Variants in TPO observed in about 807,000 individuals in gnomAD.
TPO encodes thyroid microsomal antigen.
Under a neutral mutation model 96.9 loss-of-function variants are expected in TPO, and 78 were observed. The observed-to-expected ratio is 0.81, with a 90% CI of 0.67 to 0.97. TPO has a LOEUF of 0.97. TPO is among the 50% of genes least tolerant of loss of function. The pLI is 0.00. For synonymous variants in TPO, 547 were observed against 538.0 expected, an observed-to-expected ratio of 1.02 and a Z score of -0.23; for missense variants, 1,252 against 1,274.8, an observed-to-expected ratio of 0.98 and a Z score of 0.27.
intron 12 of TPO, among the ~76,000 whole-genome samples, 177 bp from the exon 13 acceptor site, chr2:1,496,417 GC>G (rs1359792494): frequency 6.6e-6 from 1 of 152,200 alleles, no homozygotes; most frequent in East Asian, 1.9e-4. Context: ...AGCCCGCGGG[GC>G]CCGATCTGGG....
intron 15 of TPO, among the ~76,000 whole-genome samples, chr2:1,525,847 C>T (rs896056268): frequency 2.6e-4 from 36 of 138,096 alleles, no homozygotes; most frequent in African/African-American, 9.4e-4. Context: ...CTCTGTGCAA[C>T]CTCCCAAAAT....
chr2:1,463,003 C>A (rs1432287552), intron 7 of TPO, among the ~76,000 whole-genome samples: 1 of 152,104 alleles, frequency 6.6e-6, no homozygotes, highest in Non-Finnish European at 1.5e-5. Flanking sequence ...TCAAAATGTT[C>A]ATTATTGAGC....
At chr2:1,461,337 G>A (rs949777416) in intron 7 of TPO, among the ~76,000 whole-genome samples, 3 of 152,192 alleles carry the variant, frequency 2.0e-5, no homozygotes, top group Admixed American at 6.5e-5. Context: ...GGGTTCAAAC[G>A]TTCTTTGGCC....
At chr2:1,425,472 A>G (rs1231242783) in intron 3 of TPO, among the ~76,000 whole-genome samples, 1 of 151,818 alleles carries the variant, frequency 6.6e-6, no homozygotes, top group Non-Finnish European at 1.5e-5. Context: ...GATGCGTTAG[A>G]TCATTTCATA....
intron 2 of TPO, among the ~76,000 whole-genome samples, chr2:1,419,522 C>T (rs1663291835): frequency 6.6e-6 from 1 of 152,180 alleles, no homozygotes; most frequent in South Asian, 2.1e-4. Context: ...CAAAAGTGAC[C>T]ATTTCCCTCT....
At chr2:1,436,645 C>G (rs922784029) in intron 5 of TPO, among the ~76,000 whole-genome samples, 1 of 152,216 alleles carries the variant, frequency 6.6e-6, no homozygotes, top group Non-Finnish European at 1.5e-5. Context: ...CCTAACCCCA[C>G]AAATTCCACC....
At chr2:1,503,576 G>A (rs1010121996) in intron 13 of TPO, among the ~76,000 whole-genome samples, 2 of 152,094 alleles carry the variant, frequency 1.3e-5, no homozygotes, top group Non-Finnish European at 2.9e-5. Context: ...CATCTGCCTG[G>A]GCGAAGCAGA....
In TPO at chr2:1,436,403, C is replaced by A. The variant is rs1665575662; in HGVS notation, c.482+19C>A. Reference sequence around the variant, plus strand: ...ACAACAGGTATTGTTTGTGGATTTTCTTAATCTTCTCGTGAAAGTTGGATC... The same window carrying A: ...ACAACAGGTATTGTTTGTGGATTTTATTAATCTTCTCGTGAAAGTTGGATC... On this transcript the variant is annotated intron_variant, in intron 5 of 16. Coordinates refer to ENST00000329066, the MANE Select transcript of TPO (RefSeq NM_001206744.2). The A allele has an allele frequency of 6.2e-7, 1 of 1,614,178 alleles. No homozygotes were observed. The highest frequency in any genetic ancestry group is 8.5e-7 in the Non-Finnish European group (1 of 1,180,032).
At chr2:1,398,077 A>G (rs1662111503) in intron 1 of TPO, among the ~76,000 whole-genome samples, 1 of 152,256 alleles carries the variant, frequency 6.6e-6, no homozygotes, top group Non-Finnish European at 1.5e-5. Flanking sequence ...AGTGAAGGAA[A>G]ATAAATCCAG....
At chr2:1,525,096 C>A (rs1440238666) in intron 15 of TPO, among the ~76,000 whole-genome samples, 2 of 107,662 alleles carry the variant, frequency 1.9e-5, no homozygotes, top group African/African-American at 7.4e-5. Flanking sequence ...CTACTGTGTG[C>A]AACCTGCTCA....
At chr2:1,390,981 G>C (rs1048719337) in intron 1 of TPO, among the ~76,000 whole-genome samples, 1 of 152,136 alleles carries the variant, frequency 6.6e-6, no homozygotes, top group African/African-American at 2.4e-5. Flanking sequence ...TCTGTAGGTT[G>C]CCTGTTCACT....
chr2:1,455,265 G>A (rs946753509), intron 6 of TPO, among the ~76,000 whole-genome samples: 2 of 152,150 alleles, frequency 1.3e-5, no homozygotes, highest in South Asian at 2.1e-4. Context: ...AAGGATTAGC[G>A]AATGGATGTT....
At chr2:1,432,287 T>C (rs1665058749) in intron 3 of TPO, among the ~76,000 whole-genome samples, 1 of 152,248 alleles carries the variant, frequency 6.6e-6, no homozygotes, top group Admixed American at 6.5e-5. Flanking sequence ...GCCTGGACAA[T>C]GCTCTGATCC....
intron 5 of TPO, chr2:1,439,029 T>A: frequency 1.8e-6 from 1 of 561,092 alleles, no homozygotes. Context: ...TAAATCATGA[T>A]CACTCAAAAA....
chr2:1,390,165 C>G (rs566336449), intron 1 of TPO, among the ~76,000 whole-genome samples: 5 of 152,078 alleles, frequency 3.3e-5, no homozygotes, highest in South Asian at 2.1e-4. Context: ...GCTATCCCCC[C>G]CCAGCTCCCC....
chr2:1,476,738 T>C (rs922735758), intron 7 of TPO, among the ~76,000 whole-genome samples: 1 of 151,926 alleles, frequency 6.6e-6, no homozygotes, highest in Non-Finnish European at 1.5e-5. Context: ...ATCCTCTGGG[T>C]TCAACCTCTT....
chr2:1,402,191 A>C (rs1662182553), intron 1 of TPO, among the ~76,000 whole-genome samples: 1 of 152,216 alleles, frequency 6.6e-6, no homozygotes, highest in South Asian at 2.1e-4. Context: ...CAAGTGGCCC[A>C]GGGCTCATCC....
At chr2:1,525,217 A>G (rs1244911872) in intron 15 of TPO, among the ~76,000 whole-genome samples, 2 of 122,148 alleles carry the variant, frequency 1.6e-5, no homozygotes, top group South Asian at 2.9e-4. Flanking sequence ...AACCTGCTCA[A>G]ATCCCCTCAC....
intron 1 of TPO, among the ~76,000 whole-genome samples, chr2:1,402,977 A>C (rs1174559704): frequency 6.6e-6 from 1 of 152,212 alleles, no homozygotes; most frequent in African/African-American, 2.4e-5. Flanking sequence ...CATTGGAGCC[A>C]CCATTATTGC....
Sources: gnomAD v4.1 joint callset for allele counts (sites outside exome capture counted in the v4.1 genomes callset) on GRCh38, gnomAD v4.1.1 for gene constraint, MANE v1.5 for transcripts, NCBI Gene and HGNC (gene_info 2026-07-23, HGNC 2026-07-21) for gene names.